RBFOX1: variants seen among roughly 807,000 people sequenced by gnomAD.
RBFOX1 encodes RNA binding fox-1 homolog 1, also known as RNA binding protein fox-1 homolog 1.
Under a neutral mutation model 57.7 loss-of-function variants are expected in RBFOX1, and 8 were observed. The observed-to-expected ratio is 0.14, with a 90% CI of 0.08 to 0.25. The LOEUF (loss-of-function observed/expected upper bound fraction) is 0.25, where lower values mean the gene tolerates loss of function less well. Ranked by LOEUF, RBFOX1 falls within the 10% of genes least tolerant of loss-of-function variation. The probability of loss-of-function intolerance (pLI) is 1.00; values close to 1 mark genes in which losing one functional copy is unlikely to be tolerated. For missense variants in RBFOX1, 611 were observed against 548.5 expected, an observed-to-expected ratio of 1.11 and a Z score of -1.14; for synonymous variants, 326 against 222.4, an observed-to-expected ratio of 1.47 and a Z score of -4.15.
chr16:6,423,095 T>C (rs565609493), intron 2 of RBFOX1, among the ~76,000 whole-genome samples: 7 of 152,322 alleles, frequency 4.6e-5, no homozygotes, highest in African/African-American at 1.7e-4. Flanking sequence ...GTATTCACAA[T>C]TGTGAACAGT....
rs372846122 is a variant in RBFOX1 at position 5,742,002 on chromosome 16, C to G, written c.319-125301C>G. On this transcript the variant is annotated intron_variant, in intron 3 of 19. Coordinates refer to the RBFOX1 transcript ENST00000641259. ...CCTCTCTTCTCAGTCTTTTGGCACC[C>G]TGAGACCTGGGAGAATTTTAGAAAT... Among the ~76,000 whole-genome samples the G allele has an allele frequency of 1.4e-4, 22 of 152,234 alleles. No individual in the cohort carries two copies. The East Asian group carries it at 3.3e-3, about 23-fold the overall frequency.
chr16:6,894,047 C>G (rs2066163075), intron 3 of RBFOX1, among the ~76,000 whole-genome samples: 2 of 152,104 alleles, frequency 1.3e-5, no homozygotes, highest in Middle Eastern at 3.2e-3. Context: ...GGTTTTCTTC[C>G]TTTGCATAAT....
chr16:7,707,828 T>G (rs903529681), intron 14 of RBFOX1, among the ~76,000 whole-genome samples: 1 of 152,168 alleles, frequency 6.6e-6, no homozygotes, highest in African/African-American at 2.4e-5. Flanking sequence ...TTTTTTCCCC[T>G]TGCTCTGACC....
Position 6,073,336 on chromosome 16 carries a change from A to G in RBFOX1, c.-127+53344A>G, listed in dbSNP as rs368720152. ...CCAAATATTTTTGCACCAACCTAAT[A>G]AAATTCTCTCTTGTATCTGGGATGG... On this transcript the variant is annotated intron_variant, in intron 1 of 15. Transcript: ENST00000550418. 1.2e-4 allele frequency among the ~76,000 whole-genome samples: 18 copies of G among 152,348 alleles called. 2 individuals are homozygous for G. In the South Asian group the frequency reaches 3.7e-3, roughly 32 times the overall value.
chr16:7,080,931 C>G (rs1329119030), intron 4 of RBFOX1, among the ~76,000 whole-genome samples: 1 of 152,210 alleles, frequency 6.6e-6, no homozygotes, highest in Non-Finnish European at 1.5e-5. Context: ...GCTTGTGGAG[C>G]AAAACACAGA....
intron 3 of RBFOX1, among the ~76,000 whole-genome samples, chr16:5,800,631 A>C (rs890272699): frequency 6.6e-6 from 1 of 152,202 alleles, no homozygotes; most frequent in Non-Finnish European, 1.5e-5. Context: ...GGACACTTTT[A>C]GTGGCCTATT....
At chr16:5,929,322 C>G (rs1203719391) in intron 4 of RBFOX1, among the ~76,000 whole-genome samples, 2 of 152,074 alleles carry the variant, frequency 1.3e-5, no homozygotes, top group African/African-American at 4.8e-5. Flanking sequence ...AAGCCTCTCT[C>G]TCTCTCTCTC....
At chr16:5,736,172 G>A (rs1421923308) in intron 3 of RBFOX1, among the ~76,000 whole-genome samples, 1 of 152,054 alleles carries the variant, frequency 6.6e-6, no homozygotes, top group Non-Finnish European at 1.5e-5. Context: ...TCCTGCCTTT[G>A]CCACAAGCCT....
chr16:7,113,929 C>T (rs534089233), intron 4 of RBFOX1, among the ~76,000 whole-genome samples: 1 of 152,082 alleles, frequency 6.6e-6, no homozygotes, highest in South Asian at 2.1e-4. Context: ...GGATATATTC[C>T]TAGAAGTAGA....
At chr16:6,940,699 G>A (rs62017716) in intron 3 of RBFOX1, among the ~76,000 whole-genome samples, 20,599 of 151,168 alleles carry the variant, frequency 0.14, 1,736 homozygotes, top group East Asian at 0.27. Context: ...CCGGGTTCAC[G>A]CCATTCTCCT....
intron 4 of RBFOX1, among the ~76,000 whole-genome samples, chr16:7,387,958 G>C (rs566643379): frequency 6.6e-6 from 1 of 152,208 alleles, no homozygotes; most frequent in East Asian, 1.9e-4. Flanking sequence ...GCATCCCAGA[G>C]CTTAATGGCT....
At chr16:7,363,766 T>C (rs1041959378) in intron 4 of RBFOX1, among the ~76,000 whole-genome samples, 9 of 152,102 alleles carry the variant, frequency 5.9e-5, no homozygotes, top group Admixed American at 5.9e-4. Flanking sequence ...CTATAGACGT[T>C]TGAGTAGCTG....
At chr16:7,407,972 G>A (rs4508433) in intron 4 of RBFOX1, among the ~76,000 whole-genome samples, 44,109 of 151,984 alleles carry the variant, frequency 0.29, 6,972 homozygotes, top group Middle Eastern at 0.38. Context: ...TAATCACAAT[G>A]AATGTATGGC....
chr16:5,846,888 C>T (rs1175189484), intron 3 of RBFOX1, among the ~76,000 whole-genome samples: 1 of 152,144 alleles, frequency 6.6e-6, no homozygotes, highest in East Asian at 1.9e-4. Context: ...TGCAAACAGC[C>T]CAGCCATGCA....
chr16:6,676,509 C>A (rs1000335220), intron 3 of RBFOX1, among the ~76,000 whole-genome samples: 7 of 152,050 alleles, frequency 4.6e-5, no homozygotes, highest in Non-Finnish European at 7.4e-5. Flanking sequence ...AAAACTTTGA[C>A]TTGATCATTA....
intron 1 of RBFOX1, among the ~76,000 whole-genome samples, chr16:6,036,043 A>G (rs1438939167): frequency 6.6e-6 from 1 of 152,152 alleles, no homozygotes; most frequent in African/African-American, 2.4e-5. Context: ...CTGTAGTAAC[A>G]TCTCTCTCCC....
chr16:6,795,640 C>T (rs1603625131), intron 3 of RBFOX1, among the ~76,000 whole-genome samples: 1 of 152,070 alleles, frequency 6.6e-6, no homozygotes, highest in African/African-American at 2.4e-5. Context: ...GTTGGGGGTG[C>T]CTGTAATCCC....
chr16:7,503,534 T>G (rs1380681081), intron 4 of RBFOX1, among the ~76,000 whole-genome samples: 1 of 152,214 alleles, frequency 6.6e-6, no homozygotes, highest in Non-Finnish European at 1.5e-5. Flanking sequence ...TGTAGTAGTA[T>G]TAGCAATGGC....
intron 4 of RBFOX1, among the ~76,000 whole-genome samples, chr16:7,378,700 T>A (rs905746931): frequency 7.2e-5 from 11 of 152,186 alleles, no homozygotes; most frequent in African/African-American, 2.4e-4. Flanking sequence ...CACTTCCTTT[T>A]TCCCTGCATC....
Sources: gnomAD v4.1 joint callset for allele counts (sites outside exome capture counted in the v4.1 genomes callset) on GRCh38, gnomAD v4.1.1 for gene constraint, MANE v1.5 for transcripts, NCBI Gene and HGNC (gene_info 2026-07-23, HGNC 2026-07-21) for gene names.